Variants in EPHA7 observed in about 807,000 individuals in gnomAD.
The protein encoded by EPHA7 is ephrin type-A receptor 7.
EPHA7 carries 25 observed loss-of-function variants against 112.6 expected under a neutral mutation model. That is an observed-to-expected ratio of 0.22 (90% CI 0.16 to 0.31). The LOEUF (loss-of-function observed/expected upper bound fraction) is 0.31. Ranked by LOEUF, EPHA7 falls within the 10% of genes least tolerant of loss-of-function variation. The pLI is 1.00. For missense variants in EPHA7, 962 were observed against 1,212.6 expected (o/e 0.79, Z 3.07); for synonymous variants, 437 against 406.5 (o/e 1.07, Z -0.90).
intron 5 of EPHA7, among the ~76,000 whole-genome samples, chr6:93,296,229 A>AG (rs150966013): frequency 0.095 from 14,295 of 150,848 alleles, 836 homozygotes; most frequent in Non-Finnish European, 0.13. Context: ...AACAATATGG[A>AG]GTTCCTAGAG....
intron 5 of EPHA7, among the ~76,000 whole-genome samples, chr6:93,330,312 T>C (rs895552863): frequency 2.0e-5 from 3 of 151,240 alleles, no homozygotes; most frequent in African/African-American, 7.3e-5. Context: ...TTCAGAATCC[T>C]CTCTTCTAGC....
In EPHA7 at chr6:93,419,325, C is replaced by G. The variant is rs1337239729; in HGVS notation, c.17G>C (p.Arg6Pro). ...GCATAAAATAATCCATGAAGGGTAC[C>G]GAGTTTGAAAAACCATGGTGCATGA... MVFQT[R>P]YPSWIILCYI... Residue 6 changes from arginine (R) to proline (P), a missense_variant, in exon 1 of 17, where the codon CGG (arginine) becomes CCG (proline). Physicochemically the swap from Arg to Pro is moderately radical, Grantham distance 103. This residue lies in a region of EPHA7 where 56 missense variants were observed against 59.9 expected (regional missense o/e 0.94). Transcript: ENST00000369303. The G allele has an allele frequency of 6.2e-7, 1 of 1,613,952 alleles. No homozygotes were observed. Among genetic ancestry groups the G allele is most frequent in the Non-Finnish European group, 8.5e-7 (1 of 1,179,892 alleles).
intron 3 of EPHA7, among the ~76,000 whole-genome samples, chr6:93,396,552 G>C (rs528374479): frequency 9.2e-5 from 14 of 151,898 alleles, no homozygotes; most frequent in African/African-American, 3.4e-4. Context: ...ATTGATACTT[G>C]AATGTTAAAG....
In EPHA7 at chr6:93,358,431, C is replaced by A. The variant is rs1243383990; in HGVS notation, c.833-20G>T. ...CACAGGCTGGGAATGCAAAAGAAAG[C>A]AAAAATTGAGACATGAGAGCAAATC... On this transcript the variant is annotated intron_variant, in intron 3 of 16. Coordinates refer to ENST00000369303, the MANE Select transcript of EPHA7 (RefSeq NM_004440.4). 16 of 1,568,012 alleles carry A rather than the reference C, an allele frequency of 1.0e-5. No homozygotes were observed. Among genetic ancestry groups the A allele is most frequent in the Middle Eastern group, 1.7e-4 (1 of 5,736 alleles).
intron 3 of EPHA7, among the ~76,000 whole-genome samples, chr6:93,392,980 G>T (rs753825445): frequency 3.4e-4 from 51 of 151,602 alleles, no homozygotes; most frequent in Non-Finnish European, 5.9e-4. Context: ...ATTAATTATA[G>T]TAATACCTTA....
intron 3 of EPHA7, among the ~76,000 whole-genome samples, chr6:93,377,272 T>C (rs1777107190): frequency 6.6e-6 from 1 of 152,170 alleles, no homozygotes; most frequent in African/African-American, 2.4e-5. Flanking sequence ...TCAATAGTGC[T>C]ACTGTTGAGA....
At chr6:93,305,083 A>G (rs1015617213) in intron 5 of EPHA7, among the ~76,000 whole-genome samples, 15 of 151,978 alleles carry the variant, frequency 9.9e-5, no homozygotes, top group African/African-American at 3.1e-4. Context: ...ATAAGCTTTT[A>G]TATTAGCAAT....
chr6:93,358,990 T>C (rs164546), intron 3 of EPHA7, among the ~76,000 whole-genome samples: 51,261 of 152,024 alleles, frequency 0.34, 9,281 homozygotes, highest in East Asian at 0.55. Flanking sequence ...ATTTAAGTTA[T>C]AAGGCAGGCT....
chr6:93,351,200 A>G (rs554135986), intron 5 of EPHA7, among the ~76,000 whole-genome samples: 1 of 152,210 alleles, frequency 6.6e-6, no homozygotes, highest in South Asian at 2.1e-4. Context: ...TCTGGACAAC[A>G]TAGACGTATA....
chr6:93,279,761 C>A (rs1771641903), intron 5 of EPHA7, among the ~76,000 whole-genome samples: 1 of 152,114 alleles, frequency 6.6e-6, no homozygotes, highest in Non-Finnish European at 1.5e-5. Context: ...TTTTGTAGCT[C>A]AGCTGACGTT....
chr6:93,274,682 G>A (rs1048252299), intron 5 of EPHA7, among the ~76,000 whole-genome samples: 4 of 151,550 alleles, frequency 2.6e-5, no homozygotes, highest in African/African-American at 4.8e-5. Flanking sequence ...ATTTTAAGAG[G>A]GTCAGAAACG....
intron 5 of EPHA7, among the ~76,000 whole-genome samples, chr6:93,291,574 C>T (rs1772371099): frequency 6.6e-6 from 1 of 150,548 alleles, no homozygotes; most frequent in Non-Finnish European, 1.5e-5. Context: ...CGAGACCATC[C>T]CGGCTAAAAC....
chr6:93,279,282 C>A (rs1205031927), intron 5 of EPHA7, among the ~76,000 whole-genome samples: 1 of 152,114 alleles, frequency 6.6e-6, no homozygotes, highest in Non-Finnish European at 1.5e-5. Context: ...TATTTTATAA[C>A]ATATCATTTA....
intron 4 of EPHA7, 122 bp from the exon 5 acceptor site, chr6:93,357,174 G>A (rs1390657719): frequency 1.4e-6 from 1 of 695,230 alleles, no homozygotes; most frequent in Admixed American, 2.9e-5. Flanking sequence ...AAGAGAAAAC[G>A]AGTTGAAATG....
At chr6:93,302,583 C>T (rs1307675047) in intron 5 of EPHA7, among the ~76,000 whole-genome samples, 1 of 152,174 alleles carries the variant, frequency 6.6e-6, no homozygotes, top group African/African-American at 2.4e-5. Context: ...GACTGCTCTA[C>T]CTTTTATCTC....
At chr6:93,322,840 T>C (rs1007599532) in intron 5 of EPHA7, among the ~76,000 whole-genome samples, 3 of 151,570 alleles carry the variant, frequency 2.0e-5, no homozygotes, top group African/African-American at 7.3e-5. Flanking sequence ...GTTTTACAGA[T>C]TCAGGGAGCA....
chr6:93,327,853 A>AATG (rs1774398930), intron 5 of EPHA7, among the ~76,000 whole-genome samples: 1 of 151,524 alleles, frequency 6.6e-6, no homozygotes, highest in East Asian at 1.9e-4. Context: ...CGAGATTGTT[A>AATG]ATGAGATGGT....
At chr6:93,347,973 A>G (rs2127932323) in intron 5 of EPHA7, among the ~76,000 whole-genome samples, 1 of 152,016 alleles carries the variant, frequency 6.6e-6, no homozygotes, top group African/African-American at 2.4e-5. Context: ...GAAGCATTAA[A>G]TTGGAAATAT....
intron 3 of EPHA7, among the ~76,000 whole-genome samples, chr6:93,362,490 G>A (rs1470576823): frequency 6.6e-6 from 1 of 151,780 alleles, no homozygotes; most frequent in Non-Finnish European, 1.5e-5. Context: ...AATTATTTAA[G>A]AATAAAAAAG....
Sources: gnomAD v4.1 joint callset for allele counts (sites outside exome capture counted in the v4.1 genomes callset) on GRCh38, gnomAD v4.1.1 for gene constraint, gnomAD v4.1.1 regional missense constraint, MANE v1.5 for transcripts, NCBI Gene and HGNC (gene_info 2026-07-23, HGNC 2026-07-21) for gene names.